The following FBXO16 variants were observed in gnomAD, a reference collection of about 807,000 sequenced individuals.
FBXO16 encodes F-box protein 16, also known as F-box only protein 16.
A neutral mutation model predicts 41.0 loss-of-function variants in FBXO16; 31 were observed. That is an observed-to-expected ratio of 0.76 (90% CI 0.57 to 1.02). The LOEUF is 1.02. Ranked by LOEUF, FBXO16 falls within the 50% of genes least tolerant of loss-of-function variation. The pLI is 0.00. For synonymous variants in FBXO16, 133 were observed against 117.8 expected, an observed-to-expected ratio of 1.13 and a Z score of -0.84; for missense variants, 361 against 346.2, an observed-to-expected ratio of 1.04 and a Z score of -0.34.
In FBXO16 at chr8:28,463,134, T is replaced by TTG. The variant is rs970610190; in HGVS notation, c.342+476_342+477dup. Among the ~76,000 whole-genome samples the TTG allele has an allele frequency of 2.6e-5, 4 of 151,938 alleles. No individual in the cohort carries two copies. The South Asian group carries it at 6.2e-4, about 24-fold the overall frequency. On this transcript the variant is annotated intron_variant, in intron 4 of 8. Coordinates refer to ENST00000380254, the MANE Select transcript of FBXO16 (RefSeq NM_172366.4). ...TGATCATCCCTTCTCTTTCTTAGTT[T>TTG]TGTGTGTGTGTGTATGTTTGTGTGT...
chr8:28,482,517 G>A (rs367768066), intron 2 of FBXO16, among the ~76,000 whole-genome samples: 1 of 152,136 alleles, frequency 6.6e-6, no homozygotes, highest in South Asian at 2.1e-4. Context: ...AGTGTATTCC[G>A]CTAGCACCTT....
chr8:28,430,562 G>T (rs1422781513), intron 7 of FBXO16, among the ~76,000 whole-genome samples: 3 of 152,184 alleles, frequency 2.0e-5, no homozygotes, highest in Non-Finnish European at 4.4e-5. Flanking sequence ...TTTCGGTGTT[G>T]TTTAAGGTCC....
intron 4 of FBXO16, among the ~76,000 whole-genome samples, chr8:28,462,499 C>T (rs1803152715): frequency 6.6e-6 from 1 of 151,068 alleles, no homozygotes; most frequent in Admixed American, 6.6e-5. Flanking sequence ...AGGATGGTCT[C>T]GATCTCCTGA....
At chr8:28,489,489 G>T (rs1803654038) in intron 1 of FBXO16, among the ~76,000 whole-genome samples, 1 of 142,666 alleles carries the variant, frequency 7.0e-6, no homozygotes, top group Non-Finnish European at 1.5e-5. Context: ...AGGAATTCCA[G>T]ACCAGCCTGG....
At chr8:28,476,575 CT>C (rs1281090829) in intron 2 of FBXO16, among the ~76,000 whole-genome samples, 2 of 152,158 alleles carry the variant, frequency 1.3e-5, no homozygotes, top group Non-Finnish European at 2.9e-5. Context: ...TAAAATGGAT[CT>C]TCTTTTCTTG....
In FBXO16 at chr8:28,466,404, C is replaced by T. The variant is rs568551112; in HGVS notation, c.136-2586G>A. ...AATGAAAAAACAAAAACTTTAACTG[C>T]GAAGACTACAGGAATAAAACTGATT... On this transcript the variant is annotated intron_variant, in intron 3 of 8. Transcript: ENST00000380254. 5.3e-5 allele frequency among the ~76,000 whole-genome samples: 8 copies of T among 152,090 alleles called. No individual in the cohort carries two copies. In the South Asian group the frequency reaches 8.3e-4, roughly 16 times the overall value.
chr8:28,435,423 C>T (rs1362521461), intron 7 of FBXO16, among the ~76,000 whole-genome samples: 2 of 152,064 alleles, frequency 1.3e-5, no homozygotes, highest in Non-Finnish European at 2.9e-5. Flanking sequence ...ATCTGCCCAC[C>T]TCGGCCTCCC....
At position 28,479,701 on chromosome 8, in the gene FBXO16, T is replaced by C. The variant is rs777470418; in HGVS notation, c.99+3647A>G. On this transcript the variant is annotated intron_variant, in intron 2 of 8. Coordinates refer to ENST00000380254, the MANE Select transcript of FBXO16 (RefSeq NM_172366.4). ...GGTGCTCAGTAAATTACTGTTGAGC[T>C]GGATAAAAACTATTTTCTTTCTTTC... Among the ~76,000 whole-genome samples, 44 of 152,132 alleles carry C rather than the reference T, an allele frequency of 2.9e-4. No individual in the cohort carries two copies. In the Middle Eastern group the frequency reaches 0.01, roughly 36 times the overall value.
chr8:28,431,612 T>C (rs73572789), intron 7 of FBXO16, among the ~76,000 whole-genome samples: 11,010 of 152,184 alleles, frequency 0.072, 1,369 homozygotes, highest in African/African-American at 0.25. Flanking sequence ...TCCGTCTTCA[T>C]AGCACATAGA....
chr8:28,458,199 A>AT (rs1329521309), intron 4 of FBXO16, among the ~76,000 whole-genome samples: 3 of 152,142 alleles, frequency 2.0e-5, no homozygotes, highest in Non-Finnish European at 4.4e-5. Flanking sequence ...CTATTTTTCT[A>AT]TTACTCTCTG....
At chr8:28,461,621 C>T (rs903530935) in intron 4 of FBXO16, among the ~76,000 whole-genome samples, 2 of 151,138 alleles carry the variant, frequency 1.3e-5, no homozygotes, top group African/African-American at 4.9e-5. Flanking sequence ...TAGCCCTTTG[C>T]ATGCAATCGA....
chr8:28,448,857 A>C (rs1433860756), intron 6 of FBXO16: 3 of 152,220 alleles, frequency 2.0e-5, no homozygotes, highest in Admixed American at 6.5e-5. Context: ...CACATGGTCT[A>C]TTACTATATT....
intron 4 of FBXO16, among the ~76,000 whole-genome samples, chr8:28,461,251 A>G (rs1803129921): frequency 6.6e-6 from 1 of 152,176 alleles, no homozygotes; most frequent in Non-Finnish European, 1.5e-5. Context: ...GACACCCATC[A>G]GACAAATTCC....
chr8:28,465,564 G>C (rs1234656588), intron 3 of FBXO16: 2 of 265,138 alleles, frequency 7.5e-6, no homozygotes, highest in Non-Finnish European at 1.6e-5. Flanking sequence ...GCAGTGAGCT[G>C]TGGTCATGCC....
chr8:28,461,082 G>GC lies in FBXO16; in HGVS notation c.342+2529dup, dbSNP rs1411042674. Among the ~76,000 whole-genome samples, 435 of 131,874 alleles carry GC rather than the reference G, an allele frequency of 3.3e-3. 2 individuals carry two copies. Among genetic ancestry groups the GC allele is most frequent in the African/African-American group, 0.012 (412 of 34,692 alleles). 86.5% of individuals were successfully genotyped at this position (131,874 alleles called of 152,430 possible). A position where few individuals can be genotyped will look rare whatever the true frequency, so the allele number is the denominator to read the frequency against. Reference sequence around the variant, plus strand: ...GATGGTAGGACAGTTCTATACCTCTGCTTTTTTTTTTTTTTTTTTACCAAT... The same window carrying GC: ...GATGGTAGGACAGTTCTATACCTCTGCCTTTTTTTTTTTTTTTTTTACCAAT... On this transcript the variant is annotated intron_variant, in intron 4 of 8. Coordinates refer to ENST00000380254, the MANE Select transcript of FBXO16 (RefSeq NM_172366.4).
At chr8:28,472,740 C>A (rs558859104) in intron 3 of FBXO16, among the ~76,000 whole-genome samples, 1 of 151,950 alleles carries the variant, frequency 6.6e-6, no homozygotes, top group Admixed American at 6.6e-5. Context: ...AGCAAAACTC[C>A]GTCTCAAAAA....
chr8:28,437,909 T>C (rs1802709619), intron 7 of FBXO16, among the ~76,000 whole-genome samples: 1 of 151,974 alleles, frequency 6.6e-6, no homozygotes, highest in Non-Finnish European at 1.5e-5. Flanking sequence ...AACACCACAA[T>C]GATGAGGAGT....
intron 3 of FBXO16, among the ~76,000 whole-genome samples, chr8:28,471,939 T>C (rs1197841935): frequency 1.3e-5 from 2 of 152,116 alleles, no homozygotes; most frequent in Non-Finnish European, 1.5e-5. Context: ...GAAGGATAGT[T>C]GTATCTTGTT....
chr8:28,473,751 A>G, intron 3 of FBXO16, 21 bp downstream of exon 3: 1 of 1,588,346 alleles, frequency 6.3e-7, no homozygotes, highest in Non-Finnish European at 8.6e-7. Flanking sequence ...TAATGCAAAA[A>G]TAGTATTTTT....
Sources: gnomAD v4.1 joint callset for allele counts (sites outside exome capture counted in the v4.1 genomes callset) on GRCh38, gnomAD v4.1.1 for gene constraint, MANE v1.5 for transcripts, NCBI Gene and HGNC (gene_info 2026-07-23, HGNC 2026-07-21) for gene names.